Variants in DNMT1 observed in about 807,000 individuals in gnomAD.
The protein encoded by DNMT1 is DNA (cytosine-5)-methyltransferase 1.
A neutral mutation model predicts 205.3 loss-of-function variants in DNMT1; 24 were observed. That is an observed-to-expected ratio of 0.12 (90% CI 0.08 to 0.16). The LOEUF is 0.16. Ranked by LOEUF, DNMT1 falls within the 10% of genes least tolerant of loss-of-function variation. The pLI is 1.00. For missense variants in DNMT1, 1,293 were observed against 2,177.7 expected, an observed-to-expected ratio of 0.59 and a Z score of 8.09; for synonymous variants, 817 against 839.8, an observed-to-expected ratio of 0.97 and a Z score of 0.47.
At chr19:10,144,310 A>C in intron 28 of DNMT1, 1 of 359,290 alleles carries the variant, frequency 2.8e-6, no homozygotes, top group East Asian at 7.0e-5. Flanking sequence ...TGGGAGGCTG[A>C]GGCAGGAGAA....
chr19:10,141,078 T>G (rs778466510), intron 31 of DNMT1, 27 bp downstream of exon 31: 1 of 1,613,794 alleles, frequency 6.2e-7, no homozygotes, highest in Non-Finnish European at 8.5e-7. Flanking sequence ...AAGAATAACT[T>G]GAAAAGAAAC....
At chr19:10,191,702 T>C (rs1490934828) in intron 1 of DNMT1, among the ~76,000 whole-genome samples, 1 of 152,094 alleles carries the variant, frequency 6.6e-6, no homozygotes, top group African/African-American at 2.4e-5. Flanking sequence ...TTAAGAACTC[T>C]TGAGGAATAA....
At position 10,154,663 on chromosome 19, in the gene DNMT1, G is replaced by A; in HGVS notation, c.1755C>T (p.Asp585=). ...EQVESYDEAG[D]SDEQPIFLTP... ...TCAGGAAGATGGGCTGCTCATCACT[G>A]TCCCCGGCCTCGTCATAACTCTCCA... Residue 585 remains aspartate, a synonymous_variant, in exon 21 of 41, where the codon GAC becomes GAT. Transcript: ENST00000359526. The surrounding 1 kb of genome is among the most constrained non-coding windows in gnomAD (Gnocchi z 6.3). 6.2e-7 allele frequency: 1 copy of A among 1,614,090 alleles called. No individual in the cohort carries two copies.
chr19:10,194,785 C>A (rs776869058), intron 1 of DNMT1, 35 bp downstream of exon 1: 2 of 1,598,470 alleles, frequency 1.3e-6, no homozygotes, highest in Admixed American at 3.4e-5. Context: ...CCCTGCCTGT[C>A]CCCCTGAGTC....
In DNMT1 at chr19:10,151,746, C is replaced by T. The variant is rs2038347468; in HGVS notation, c.2117+4G>A. On this transcript the variant is annotated splice_donor_region_variant and intron_variant, in intron 23 of 40. Coordinates refer to ENST00000359526, the MANE Select transcript of DNMT1 (RefSeq NM_001130823.3). The surrounding 1 kb of genome is among the most constrained non-coding windows in gnomAD (Gnocchi z 5.0). ...CCACAGGAGGAAGACTCGGCCTGAC[C>T]TACCTCCGCTCTTGGCAAGCCTGCT... 1 of 1,614,084 alleles carries T rather than the reference C, an allele frequency of 6.2e-7. No homozygotes were observed. The highest frequency in any genetic ancestry group is 1.3e-5 in the African/African-American group (1 of 74,942).
Position 10,134,314 on chromosome 19 carries a change from G to T in DNMT1, c.4774-7C>A. ...GTGGCACGGCATTGCCCACCTGCAG[G>T]AGGGGAGAAGGGCAATGCCTGATGT... On this transcript the variant is annotated splice_region_variant and splice_polypyrimidine_tract_variant and intron_variant, in intron 39 of 40. Coordinates refer to ENST00000359526, the MANE Select transcript of DNMT1 (RefSeq NM_001130823.3). 1 of 1,613,830 alleles carries T rather than the reference G, an allele frequency of 6.2e-7. No individual in the cohort carries two copies. The highest frequency in any genetic ancestry group is 8.5e-7 in the Non-Finnish European group (1 of 1,179,914).
Position 10,137,799 on chromosome 19 carries a change from C to T in DNMT1, c.4293+33G>A, listed in dbSNP as rs181952514. 1,953 of 1,604,412 alleles carry T rather than the reference C, an allele frequency of 1.2e-3. 2 individuals are homozygous for T. The highest frequency in any genetic ancestry group is 1.5e-3 in the Non-Finnish European group (1,783 of 1,176,452). ...CCCACGAGGCTGCTGGGCTGGGCCTCGAGGAGGAGCCGCTCTGTCAGGGTG... is the reference window on the plus strand; with the variant it reads ...CCCACGAGGCTGCTGGGCTGGGCCTTGAGGAGGAGCCGCTCTGTCAGGGTG... On this transcript the variant is annotated intron_variant, in intron 36 of 40. Transcript: ENST00000359526. This position sits in a 1 kb window ranked among gnomAD's most constrained non-coding sequence, Gnocchi z 6.4.
intron 39 of DNMT1, among the ~76,000 whole-genome samples, chr19:10,134,985 G>A (rs1336968212): frequency 1.3e-5 from 2 of 152,058 alleles, no homozygotes; most frequent in Admixed American, 6.6e-5. Flanking sequence ...GCCGAGGCAG[G>A]CGGATCACCT....
intron 13 of DNMT1, 72 bp from the exon 14 acceptor site, chr19:10,160,490 A>C: frequency 5.2e-6 from 8 of 1,533,166 alleles, no homozygotes; most frequent in Non-Finnish European, 7.2e-6. Context: ...TTCGGTGTTA[A>C]GAACTTTGTA....
In DNMT1 at chr19:10,138,046, C is replaced by T. The variant is rs753716290; in HGVS notation, c.4116-37G>A. 1.3e-6 allele frequency: 2 copies of T among 1,590,492 alleles called. No homozygotes were observed. The highest frequency in any genetic ancestry group is 2.3e-5 in the South Asian group (2 of 88,338). On this transcript the variant is annotated intron_variant, in intron 35 of 40. Coordinates refer to ENST00000359526, the MANE Select transcript of DNMT1 (RefSeq NM_001130823.3). This position sits in a 1 kb window ranked among gnomAD's most constrained non-coding sequence, Gnocchi z 4.1. ...GAGGAGGTCAACACCTCTGGAGATG[C>T]ACGCAGCAGCTGTCCCCTCATCACA...
intron 2 of DNMT1, among the ~76,000 whole-genome samples, chr19:10,181,684 C>G (rs906447650): frequency 1.6e-4 from 24 of 152,020 alleles, no homozygotes; most frequent in Non-Finnish European, 2.9e-4. Context: ...TAAAAATTAG[C>G]TGGGCATGGT....
At chr19:10,193,261 G>A (rs899021115) in intron 1 of DNMT1, among the ~76,000 whole-genome samples, 1 of 152,144 alleles carries the variant, frequency 6.6e-6, no homozygotes, top group South Asian at 2.1e-4. Context: ...TCAGGAGGCT[G>A]AGGATCCCTT....
chr19:10,137,515 G>A lies in DNMT1; in HGVS notation c.4294-235C>T. On this transcript the variant is annotated intron_variant, in intron 36 of 40. Transcript: ENST00000359526. The surrounding 1 kb of genome is among the most constrained non-coding windows in gnomAD (Gnocchi z 6.4). ...GCTGAGCCTTTAGGGTGGGGGAAGG[G>A]GAGTGGTGCCAGGGGATGGTGAAAG... 1.6e-6 allele frequency: 1 copy of A among 640,894 alleles called. No homozygotes were observed. Among genetic ancestry groups the A allele is most frequent in the Non-Finnish European group, 2.7e-6 (1 of 370,760 alleles). 39.7% of individuals were successfully genotyped at this position (640,894 alleles called of 1,614,324 possible). A position where few individuals can be genotyped will look rare whatever the true frequency, so the allele number is the denominator to read the frequency against.
chr19:10,134,350 G>A (rs746368562), intron 39 of DNMT1, 43 bp from the exon 40 acceptor site: 1 of 1,592,614 alleles, frequency 6.3e-7, no homozygotes, highest in Admixed American at 1.7e-5. Context: ...GGACACCCAG[G>A]CCCAAGGCCC....
chr19:10,135,625 G>A (rs555751263), intron 39 of DNMT1, 111 bp downstream of exon 39: 71 of 1,157,756 alleles, frequency 6.1e-5, no homozygotes, highest in Admixed American at 2.8e-4. Flanking sequence ...GGGGCTACCC[G>A]GCAGCCAGCA....
chr19:10,162,829 T>G (rs2038603374), intron 12 of DNMT1, 81 bp from the exon 13 acceptor site: 2 of 1,458,764 alleles, frequency 1.4e-6, no homozygotes, highest in South Asian at 1.1e-5. Flanking sequence ...AGTGACAAAC[T>G]AATGCCTCCC....
At chr19:10,141,995 C>T (rs372237896) in intron 30 of DNMT1, 33 bp downstream of exon 30, 26 of 1,609,326 alleles carry the variant, frequency 1.6e-5, no homozygotes, top group African/African-American at 1.3e-4. Flanking sequence ...ACTTTGACCC[C>T]GAAGCCTTCC....
intron 1 of DNMT1, among the ~76,000 whole-genome samples, chr19:10,191,983 G>A (rs2039312735): frequency 6.6e-6 from 1 of 151,964 alleles, no homozygotes; most frequent in Non-Finnish European, 1.5e-5. Context: ...CACCATACCT[G>A]GCTAATTTTT....
In DNMT1 at chr19:10,174,127, C is replaced by T. The variant is rs953369979; in HGVS notation, c.649-222G>A. ...AGCAGGTCCGAGAAGTAGGCAGGCACACTGCCCATCACTAGAGATCGCCTG... is the reference window on the plus strand; with the variant it reads ...AGCAGGTCCGAGAAGTAGGCAGGCATACTGCCCATCACTAGAGATCGCCTG... On this transcript the variant is annotated intron_variant, in intron 7 of 40. Transcript: ENST00000359526. Among the ~76,000 whole-genome samples, 5 of 152,294 alleles carry T rather than the reference C, an allele frequency of 3.3e-5. No individual in the cohort carries two copies. In the South Asian group the frequency reaches 8.3e-4, roughly 25 times the overall value.
Sources: gnomAD v4.1 joint callset for allele counts (sites outside exome capture counted in the v4.1 genomes callset) on GRCh38, gnomAD v4.1.1 for gene constraint, Gnocchi (gnomAD v3.1) non-coding constraint, MANE v1.5 for transcripts, NCBI Gene and HGNC (gene_info 2026-07-23, HGNC 2026-07-21) for gene names.